CDH4: variants seen among roughly 807,000 people sequenced by gnomAD.
CDH4 encodes cadherin 4.
CDH4 carries 33 observed loss-of-function variants against 86.0 expected under a neutral mutation model. The observed-to-expected ratio is 0.38, with a 90% CI of 0.29 to 0.51. The LOEUF is 0.51. CDH4 is among the 20% of genes least tolerant of loss of function. CDH4 has a pLI of 0.86. For synonymous variants in CDH4, 555 were observed against 549.4 expected (o/e 1.01, Z -0.14); for missense variants, 1,114 against 1,307.4 (o/e 0.85, Z 2.28).
chr20:61,827,965 A>G (rs1322852448), intron 4 of CDH4, among the ~76,000 whole-genome samples: 1 of 152,224 alleles, frequency 6.6e-6, no homozygotes, highest in Non-Finnish European at 1.5e-5. Context: ...TGAGGAAGCT[A>G]AGTAACCAAC....
intron 2 of CDH4, among the ~76,000 whole-genome samples, chr20:61,604,591 G>A (rs750467190): frequency 2.1e-4 from 32 of 151,930 alleles, no homozygotes; most frequent in Non-Finnish European, 3.2e-4. Flanking sequence ...GGGAAGGGAA[G>A]TGAGGGGTGC....
At chr20:61,326,164 C>T (rs1267652210) in intron 2 of CDH4, among the ~76,000 whole-genome samples, 3 of 152,154 alleles carry the variant, frequency 2.0e-5, no homozygotes, top group Non-Finnish European at 2.9e-5. Flanking sequence ...AATCTTGGCT[C>T]AGGCAGGGAT....
chr20:61,344,886 C>T (rs1352309474), intron 2 of CDH4, among the ~76,000 whole-genome samples: 1 of 152,184 alleles, frequency 6.6e-6, no homozygotes, highest in Non-Finnish European at 1.5e-5. Context: ...AGAACACTTC[C>T]TCGGCTTTGC....
At chr20:61,492,538 CTGA>C (rs1233645300) in intron 2 of CDH4, among the ~76,000 whole-genome samples, 1 of 152,096 alleles carries the variant, frequency 6.6e-6, no homozygotes, top group Admixed American at 6.6e-5. Flanking sequence ...GTTCCTGATG[CTGA>C]TGATAGTGAT....
At chr20:61,521,587 G>A (rs2085869500) in intron 2 of CDH4, among the ~76,000 whole-genome samples, 1 of 152,206 alleles carries the variant, frequency 6.6e-6, no homozygotes, top group Admixed American at 6.5e-5. Context: ...AGAGGCTGAT[G>A]TGCAGAAACC....
chr20:61,527,255 C>CT (rs112861416), intron 2 of CDH4, among the ~76,000 whole-genome samples: 8,520 of 146,304 alleles, frequency 0.058, 502 homozygotes, highest in East Asian at 0.33. Context: ...AACATAAGAG[C>CT]TTTTTTTTTT....
At chr20:61,345,201 A>G (rs6028130) in intron 2 of CDH4, among the ~76,000 whole-genome samples, 30,252 of 152,156 alleles carry the variant, frequency 0.2, 3,018 homozygotes, top group Middle Eastern at 0.35. Flanking sequence ...CGCCTCCCTC[A>G]CTGCTGGCAT....
chr20:61,357,741 T>G (rs1305344810), intron 2 of CDH4, among the ~76,000 whole-genome samples: 1 of 152,170 alleles, frequency 6.6e-6, no homozygotes, highest in Non-Finnish European at 1.5e-5. Context: ...TATTTTCAAA[T>G]AGTGGCAGCT....
chr20:61,628,557 G>A (rs1252142469), intron 2 of CDH4, among the ~76,000 whole-genome samples: 2 of 152,234 alleles, frequency 1.3e-5, no homozygotes, highest in Non-Finnish European at 2.9e-5. Context: ...CAGGAGGTCA[G>A]GTGCCCTTCC....
chr20:61,692,236 T>C (rs2087666338), intron 2 of CDH4, among the ~76,000 whole-genome samples: 2 of 146,862 alleles, frequency 1.4e-5, no homozygotes, highest in South Asian at 4.5e-4. Flanking sequence ...TATGTGTGTG[T>C]ATGTATGTGT....
At chr20:61,903,723 G>A (rs1243001023) in intron 8 of CDH4, among the ~76,000 whole-genome samples, 1 of 152,154 alleles carries the variant, frequency 6.6e-6, no homozygotes, top group East Asian at 1.9e-4. Context: ...GCAGCCCCCA[G>A]GGGGCCAGTG....
intron 2 of CDH4, chr20:61,499,363 C>A: frequency 1.0e-6 from 1 of 956,504 alleles, no homozygotes; most frequent in Non-Finnish European, 1.5e-6. Context: ...GATAGCAGTG[C>A]CTCTTGCTCT....
At chr20:61,808,370 T>G (rs1477111845) in intron 4 of CDH4, among the ~76,000 whole-genome samples, 1 of 151,380 alleles carries the variant, frequency 6.6e-6, no homozygotes, top group South Asian at 2.1e-4. Context: ...ATAAATAAAT[T>G]TAAAAAAATA....
intron 2 of CDH4, among the ~76,000 whole-genome samples, chr20:61,564,838 C>T (rs1568687809): frequency 6.6e-6 from 1 of 152,132 alleles, no homozygotes; most frequent in Admixed American, 6.5e-5. Flanking sequence ...GCAGCCCTTC[C>T]CATAGCAGGC....
At chr20:61,839,721 TGA>T (rs1982062584) in intron 4 of CDH4, among the ~76,000 whole-genome samples, 1 of 151,694 alleles carries the variant, frequency 6.6e-6, no homozygotes, top group Non-Finnish European at 1.5e-5. Context: ...GTTTGTGTAT[TGA>T]GTGTGTGTGT....
intron 2 of CDH4, chr20:61,717,841 T>G (rs1215303743): frequency 1.3e-5 from 2 of 152,098 alleles, no homozygotes; most frequent in Non-Finnish European, 2.9e-5. Flanking sequence ...CAGCCCCCAG[T>G]GTGCTCAGGT....
intron 2 of CDH4, among the ~76,000 whole-genome samples, chr20:61,295,961 C>T (rs183961863): frequency 6.6e-5 from 10 of 152,122 alleles, no homozygotes; most frequent in African/African-American, 2.2e-4. Flanking sequence ...TCGCGGAGGC[C>T]GTGGGAACAC....
rs529773856 is a variant in CDH4, at chr20:61,598,478, C to T, written c.170-145085C>T. Reference sequence around the variant, plus strand: ...TCCTGCTATCTGTGGCCTCAGCACTCGCCTTTCAGCCAGAGCCACACCCCC... The same window carrying T: ...TCCTGCTATCTGTGGCCTCAGCACTTGCCTTTCAGCCAGAGCCACACCCCC... On this transcript the variant is annotated intron_variant, in intron 2 of 15. Coordinates refer to ENST00000614565, the MANE Select transcript of CDH4 (RefSeq NM_001794.5). Among the ~76,000 whole-genome samples, 4 of 152,208 alleles carry T rather than the reference C, an allele frequency of 2.6e-5. No homozygotes were observed. The South Asian group carries it at 6.2e-4, about 24-fold the overall frequency.
intron 2 of CDH4, among the ~76,000 whole-genome samples, chr20:61,716,628 G>T (rs1450306570): frequency 6.6e-6 from 1 of 152,210 alleles, no homozygotes; most frequent in East Asian, 1.9e-4. Flanking sequence ...GCTGAGGTTG[G>T]ATCAAGTGTG....
Sources: allele counts gnomAD v4.1 joint callset (sites outside exome capture counted in the v4.1 genomes callset), GRCh38; gene constraint gnomAD v4.1.1; transcripts MANE v1.5; gene names NCBI Gene and HGNC (gene_info 2026-07-23, HGNC 2026-07-21).